DPP10: variants seen among roughly 807,000 people sequenced by gnomAD.
DPP10 encodes the protein inactive dipeptidyl peptidase 10.
In DPP10, 33 loss-of-function variants were observed where a neutral mutation model predicts 120.9. The ratio of observed to expected loss-of-function variants is 0.27; its 90% CI spans 0.21 to 0.37. DPP10 has a LOEUF of 0.37. DPP10 is among the 10% of genes least tolerant of loss of function. The probability of loss-of-function intolerance (pLI) is 1.00; values close to 1 mark genes in which losing one functional copy is unlikely to be tolerated. For missense variants in DPP10, 816 were observed against 942.8 expected (o/e 0.87, Z 1.76); for synonymous variants, 337 against 326.1 (o/e 1.03, Z -0.36).
intron 1 of DPP10, among the ~76,000 whole-genome samples, chr2:114,467,448 A>G (rs1679498117): frequency 6.6e-6 from 1 of 152,190 alleles, no homozygotes; most frequent in Non-Finnish European, 1.5e-5. Flanking sequence ...GTTGACAACA[A>G]ATTCAAAGTT....
chr2:115,562,506 T>G (rs924654422), intron 5 of DPP10, among the ~76,000 whole-genome samples: 5 of 152,218 alleles, frequency 3.3e-5, no homozygotes, highest in Non-Finnish European at 5.9e-5. Context: ...TGATCCATGG[T>G]TAAAACAACC....
intron 1 of DPP10, among the ~76,000 whole-genome samples, chr2:114,559,203 G>A (rs975139956): frequency 2.0e-5 from 3 of 152,118 alleles, no homozygotes; most frequent in African/African-American, 7.2e-5. Context: ...ATGTGACTCA[G>A]GTAAGGATCC....
At chr2:115,807,220 A>G (rs1320912073) in intron 19 of DPP10, among the ~76,000 whole-genome samples, 1 of 152,194 alleles carries the variant, frequency 6.6e-6, no homozygotes, top group Non-Finnish European at 1.5e-5. Context: ...TTGACAGCAA[A>G]TATCATTAGG....
At chr2:115,580,366 A>T (rs922744496) in intron 5 of DPP10, 1 of 152,226 alleles carries the variant, frequency 6.6e-6, no homozygotes, top group Non-Finnish European at 1.5e-5. Flanking sequence ...ATTTCATCAT[A>T]TCATTTAATT....
intron 1 of DPP10, among the ~76,000 whole-genome samples, chr2:115,186,096 AC>A (rs2054417750): frequency 6.6e-6 from 1 of 152,006 alleles, no homozygotes; most frequent in Admixed American, 6.5e-5. Flanking sequence ...TTCATGTCTA[AC>A]CCTTTTATAA....
intron 7 of DPP10, among the ~76,000 whole-genome samples, chr2:115,706,464 C>T (rs1471437037): frequency 6.6e-6 from 1 of 151,776 alleles, no homozygotes; most frequent in Non-Finnish European, 1.5e-5. Context: ...TCTAACTGTT[C>T]ACCTGGGTCA....
At chr2:115,094,812 A>G (rs905475649) in intron 1 of DPP10, among the ~76,000 whole-genome samples, 1 of 152,200 alleles carries the variant, frequency 6.6e-6, no homozygotes, top group Non-Finnish European at 1.5e-5. Context: ...ATAAACAGCC[A>G]GATAATAAGT....
chr2:114,572,805 T>C (rs1225003956), intron 1 of DPP10, among the ~76,000 whole-genome samples: 1 of 152,216 alleles, frequency 6.6e-6, no homozygotes, highest in Non-Finnish European at 1.5e-5. Context: ...TTCTTACAGA[T>C]GAAGAAACTG....
At chr2:114,888,707 G>A (rs1032679708) in intron 1 of DPP10, among the ~76,000 whole-genome samples, 14 of 152,148 alleles carry the variant, frequency 9.2e-5, no homozygotes, top group Non-Finnish European at 2.1e-4. Flanking sequence ...ATTCTGTAAT[G>A]ACGTACTGAG....
At chr2:115,029,268 T>C (rs557437998) in intron 1 of DPP10, among the ~76,000 whole-genome samples, 11 of 152,184 alleles carry the variant, frequency 7.2e-5, no homozygotes, top group Non-Finnish European at 1.5e-4. Context: ...ATATTTTATA[T>C]TGCCTATCTC....
At chr2:114,591,173 G>A (rs997602772) in intron 1 of DPP10, among the ~76,000 whole-genome samples, 1 of 152,182 alleles carries the variant, frequency 6.6e-6, no homozygotes, top group Non-Finnish European at 1.5e-5. Flanking sequence ...ATTCGAATGG[G>A]GTAAGGTCTG....
chr2:114,871,692 C>T (rs1004217799), intron 1 of DPP10, among the ~76,000 whole-genome samples: 1 of 152,106 alleles, frequency 6.6e-6, no homozygotes. Context: ...TGGAAAACTA[C>T]AAAGCCTCTT....
Position 114,898,693 on chromosome 2 carries a change from C to T in DPP10, c.61-410546C>T, listed in dbSNP as rs534034968. ...AATCATATTTTAACAATAATAACAACTATTTAGTTGCCTGAATATTTCACT... is the reference window on the plus strand; with the variant it reads ...AATCATATTTTAACAATAATAACAATTATTTAGTTGCCTGAATATTTCACT... On this transcript the variant is annotated intron_variant, in intron 1 of 25. Transcript: ENST00000410059. Among the ~76,000 whole-genome samples the T allele has an allele frequency of 7.2e-5, 11 of 152,212 alleles. No individual in the cohort carries two copies. In the South Asian group the frequency reaches 2.3e-3, roughly 32 times the overall value.
intron 1 of DPP10, among the ~76,000 whole-genome samples, chr2:114,800,343 T>C (rs1407486655): frequency 6.6e-6 from 1 of 152,208 alleles, no homozygotes. Flanking sequence ...AATATGTAAA[T>C]TACTTTTTAT....
intron 1 of DPP10, among the ~76,000 whole-genome samples, chr2:115,095,574 G>GTTTTTT (rs924847937): frequency 7.3e-6 from 1 of 137,794 alleles, no homozygotes; most frequent in Non-Finnish European, 1.6e-5. Context: ...ATTCTGTTTG[G>GTTTTTT]TTTTTTTTTT....
intron 1 of DPP10, among the ~76,000 whole-genome samples, chr2:114,702,082 A>T (rs1700416648): frequency 6.6e-6 from 1 of 152,098 alleles, no homozygotes; most frequent in African/African-American, 2.4e-5. Context: ...CTGCAGTGTA[A>T]TGTGATTGTC....
At chr2:114,594,225 T>C (rs1182622394) in intron 1 of DPP10, among the ~76,000 whole-genome samples, 1 of 152,018 alleles carries the variant, frequency 6.6e-6, no homozygotes, top group Non-Finnish European at 1.5e-5. Flanking sequence ...TCTCCTGTGC[T>C]AGAGAATTCC....
At chr2:115,627,374 C>A (rs990040881) in intron 5 of DPP10, among the ~76,000 whole-genome samples, 11 of 152,092 alleles carry the variant, frequency 7.2e-5, no homozygotes, top group African/African-American at 2.7e-4. Context: ...GAGAGCACCC[C>A]ATGCCACAGA....
chr2:115,796,336 G>A (rs1442779802), intron 19 of DPP10, among the ~76,000 whole-genome samples: 2 of 152,090 alleles, frequency 1.3e-5, no homozygotes, highest in Non-Finnish European at 2.9e-5. Context: ...CATTTACTTT[G>A]CTTTCTCTCC....
Sources: allele counts gnomAD v4.1 joint callset (sites outside exome capture counted in the v4.1 genomes callset), GRCh38; gene constraint gnomAD v4.1.1; transcripts MANE v1.5; gene names NCBI Gene and HGNC (gene_info 2026-07-23, HGNC 2026-07-21).